Variants in TMTC2 observed in about 807,000 individuals in gnomAD.
The protein encoded by TMTC2 is protein O-mannosyl-transferase TMTC2.
In TMTC2, 43 loss-of-function variants were observed where a neutral mutation model predicts 82.4. The observed-to-expected ratio is 0.52, with a 90% CI of 0.41 to 0.67. The LOEUF is 0.67. Among genes scored for constraint, TMTC2 ranks in the 30% least tolerant of loss-of-function variants. The pLI, the probability that TMTC2 is intolerant of heterozygous loss-of-function variation, is 0.00. For missense variants in TMTC2, 919 were observed against 1,012.4 expected (o/e 0.91, Z 1.25); for synonymous variants, 408 against 381.9 (o/e 1.07, Z -0.80).
At chr12:82,772,663 A>G (rs1402773021) in intron 1 of TMTC2, among the ~76,000 whole-genome samples, 2 of 152,170 alleles carry the variant, frequency 1.3e-5, no homozygotes, top group Admixed American at 1.3e-4. Context: ...AACTTCTTAG[A>G]GTTAATTATC....
intron 1 of TMTC2, among the ~76,000 whole-genome samples, chr12:82,747,024 T>C (rs966531825): frequency 1.3e-5 from 2 of 152,214 alleles, no homozygotes; most frequent in African/African-American, 4.8e-5. Flanking sequence ...GCCATTACCT[T>C]GATTTTGGCT....
At chr12:82,838,143 T>G (rs919011585) in intron 1 of TMTC2, among the ~76,000 whole-genome samples, 1 of 152,204 alleles carries the variant, frequency 6.6e-6, no homozygotes, top group Non-Finnish European at 1.5e-5. Flanking sequence ...TTAGCCATTT[T>G]TGGGGTCCAG....
chr12:82,979,750 G>A (rs1259338137), intron 7 of TMTC2, among the ~76,000 whole-genome samples: 1 of 151,720 alleles, frequency 6.6e-6, no homozygotes, highest in African/African-American at 2.4e-5. Context: ...TCAGATTGAA[G>A]GACTCCCTTT....
At chr12:82,889,623 C>G (rs575883383) in intron 2 of TMTC2, among the ~76,000 whole-genome samples, 1 of 142,178 alleles carries the variant, frequency 7.0e-6, no homozygotes, top group South Asian at 2.1e-4. Context: ...ATATTTTTCA[C>G]AAAAATATTT....
chr12:82,994,383 G>A (rs949976939), intron 8 of TMTC2, among the ~76,000 whole-genome samples: 2 of 151,938 alleles, frequency 1.3e-5, no homozygotes, highest in African/African-American at 2.4e-5. Flanking sequence ...TGCCCACCTC[G>A]GCCTCCCAAA....
At chr12:83,066,038 A>T (rs1248860703) in intron 11 of TMTC2, among the ~76,000 whole-genome samples, 1 of 152,004 alleles carries the variant, frequency 6.6e-6, no homozygotes, top group Non-Finnish European at 1.5e-5. Context: ...ACTGTGCCAA[A>T]TGTAGTAGGA....
chr12:83,061,927 G>T, intron 11 of TMTC2, 96 bp downstream of exon 11: 2 of 884,080 alleles, frequency 2.3e-6, no homozygotes, highest in East Asian at 2.9e-5. Flanking sequence ...TTTGTTTTTT[G>T]TTTTGTTTTG....
intron 1 of TMTC2, among the ~76,000 whole-genome samples, chr12:82,729,019 C>A (rs368630480): frequency 6.6e-6 from 1 of 152,246 alleles, no homozygotes; most frequent in South Asian, 2.1e-4. Flanking sequence ...ACCCTGCGGC[C>A]TCCTGCGTGG....
intron 1 of TMTC2, among the ~76,000 whole-genome samples, chr12:82,829,395 A>G (rs749873725): frequency 2.6e-4 from 39 of 152,204 alleles, no homozygotes; most frequent in African/African-American, 9.2e-4. Flanking sequence ...GCTTGTGAGT[A>G]GCAAATCCAG....
At chr12:82,892,697 TC>T (rs1873456601) in intron 2 of TMTC2, among the ~76,000 whole-genome samples, 1 of 152,200 alleles carries the variant, frequency 6.6e-6, no homozygotes, top group Non-Finnish European at 1.5e-5. Context: ...CTTTCTCTCT[TC>T]CTCTCTACAT....
chr12:82,848,758 C>T (rs1378841064), intron 1 of TMTC2, among the ~76,000 whole-genome samples: 1 of 152,040 alleles, frequency 6.6e-6, no homozygotes. Context: ...TTTAAGATCC[C>T]TGATATTTGT....
At chr12:82,821,603 G>A (rs1869114332) in intron 1 of TMTC2, among the ~76,000 whole-genome samples, 3 of 152,056 alleles carry the variant, frequency 2.0e-5, no homozygotes, top group South Asian at 2.1e-4. Flanking sequence ...TGTGGTAGGC[G>A]CATAGGAGTT....
chr12:83,000,510 A>G (rs1483460446), intron 8 of TMTC2, among the ~76,000 whole-genome samples: 1 of 152,188 alleles, frequency 6.6e-6, no homozygotes, highest in African/African-American at 2.4e-5. Context: ...CTGATGCAAG[A>G]TGTGGGTTCC....
intron 8 of TMTC2, among the ~76,000 whole-genome samples, chr12:83,011,675 A>C (rs76634272): frequency 0.017 from 2,544 of 152,210 alleles, 69 homozygotes; most frequent in African/African-American, 0.059. Context: ...TTGGTCTATA[A>C]TATCTTTTTC....
chr12:82,871,703 G>GTGTGTGTGTGTT (rs1408622677), intron 2 of TMTC2, among the ~76,000 whole-genome samples: 1 of 151,640 alleles, frequency 6.6e-6, no homozygotes, highest in African/African-American at 2.4e-5. Flanking sequence ...GTGTGTGTGT[G>GTGTGTGTGTGTT]TGTGTGTGTG....
chr12:82,846,165 C>T (rs1452243684), intron 1 of TMTC2, among the ~76,000 whole-genome samples: 1 of 151,968 alleles, frequency 6.6e-6, no homozygotes, highest in Non-Finnish European at 1.5e-5. Flanking sequence ...TCGAGACCAG[C>T]CTGGCCAACA....
chr12:82,884,462 A>G (rs1872989344), intron 2 of TMTC2, among the ~76,000 whole-genome samples: 1 of 152,202 alleles, frequency 6.6e-6, no homozygotes, highest in African/African-American at 2.4e-5. Context: ...TGATTAATTT[A>G]GAAGGTAGCA....
At chr12:82,791,594 T>C (rs912361400) in intron 1 of TMTC2, among the ~76,000 whole-genome samples, 3 of 152,164 alleles carry the variant, frequency 2.0e-5, no homozygotes, top group Non-Finnish European at 1.5e-5. Flanking sequence ...TATAGTGTTA[T>C]ATATGTTCAT....
chr12:83,044,755 T>C (rs1882028507), intron 9 of TMTC2, among the ~76,000 whole-genome samples: 2 of 152,250 alleles, frequency 1.3e-5, no homozygotes, highest in South Asian at 4.1e-4. Context: ...TAAAGCTACA[T>C]ATGAATGATT....
Sources: gnomAD v4.1 joint callset for allele counts (sites outside exome capture counted in the v4.1 genomes callset) on GRCh38, gnomAD v4.1.1 for gene constraint, MANE v1.5 for transcripts, NCBI Gene and HGNC (gene_info 2026-07-23, HGNC 2026-07-21) for gene names.